The following ETV7 variants were observed in gnomAD, a reference collection of about 807,000 sequenced individuals.
ETV7 encodes ETS variant transcription factor 7.
ETV7 carries 43 observed loss-of-function variants against 39.1 expected under a neutral mutation model. That is an observed-to-expected ratio of 1.10 (90% CI 0.86 to 1.42). The LOEUF (loss-of-function observed/expected upper bound fraction) is 1.42, where lower values mean the gene tolerates loss of function less well. ETV7 is among the 40% of genes most tolerant of loss of function. ETV7 has a pLI of 0.00. For missense variants in ETV7, 432 were observed against 442.3 expected (o/e 0.98, Z 0.21); for synonymous variants, 196 against 176.6 (o/e 1.11, Z -0.87).
At chr6:36,364,677 C>T (rs2127384663), downstream of ETV7, among the ~76,000 whole-genome samples, 1 of 152,354 alleles carries the variant, frequency 6.6e-6, no homozygotes, top group Non-Finnish European at 1.5e-5. Context: ...AAAGGGGCTC[C>T]CACAGTGCAG....
At chr6:36,365,678 C>T (rs189492980), downstream of ETV7, among the ~76,000 whole-genome samples, 5 of 152,154 alleles carry the variant, frequency 3.3e-5, no homozygotes, top group Admixed American at 2.0e-4. Context: ...GAGGTGGGGC[C>T]GGGGCCTGGC....
downstream of ETV7, among the ~76,000 whole-genome samples, chr6:36,362,647 G>A (rs1044339613): frequency 2.0e-5 from 3 of 152,196 alleles, no homozygotes; most frequent in Admixed American, 2.0e-4. Flanking sequence ...CAGGCACCCA[G>A]GGGTCCATCC....
chr6:36,376,841 G>C (rs1042336320), intron 2 of ETV7, among the ~76,000 whole-genome samples: 5 of 151,634 alleles, frequency 3.3e-5, no homozygotes, highest in South Asian at 2.1e-4. Context: ...GAGGCTCCCA[G>C]AGGTTAAGTG....
intron 6 of ETV7, among the ~76,000 whole-genome samples, chr6:36,368,133 G>A (rs1015222653): frequency 5.3e-5 from 8 of 152,148 alleles, no homozygotes; most frequent in Non-Finnish European, 7.4e-5. Flanking sequence ...AGCAGGGGAT[G>A]GGTAAACTTG....
At chr6:36,363,616 G>C (rs557539529), downstream of ETV7, among the ~76,000 whole-genome samples, 2 of 152,226 alleles carry the variant, frequency 1.3e-5, no homozygotes, top group African/African-American at 4.8e-5. Flanking sequence ...GGACCAGAAC[G>C]GGTTGCCACT....
chr6:36,358,695 C>T (rs1772401013), intron 7 of ETV7, among the ~76,000 whole-genome samples: 1 of 152,222 alleles, frequency 6.6e-6, no homozygotes, highest in African/African-American at 2.4e-5. Context: ...ACGCCACGTT[C>T]AGCCACCCAC....
At chr6:36,368,821 G>T in intron 6 of ETV7, 108 bp downstream of exon 6, 1 of 1,437,126 alleles carries the variant, frequency 7.0e-7, no homozygotes, top group Non-Finnish European at 9.5e-7. Context: ...GGCTGCTGAT[G>T]AAGGCCCCAT....
chr6:36,364,095 G>A (rs1243727578), downstream of ETV7, among the ~76,000 whole-genome samples: 1 of 152,238 alleles, frequency 6.6e-6, no homozygotes. Flanking sequence ...GCCGATTGGT[G>A]TATTTACAAT....
At chr6:36,375,530 G>A (rs1415001215) in intron 3 of ETV7, among the ~76,000 whole-genome samples, 1 of 152,186 alleles carries the variant, frequency 6.6e-6, no homozygotes, top group Non-Finnish European at 1.5e-5. Context: ...TCTTTCTCTA[G>A]TTGGTTTTTT....
chr6:36,383,440 G>A (rs933334577), intron 2 of ETV7, among the ~76,000 whole-genome samples: 6 of 152,192 alleles, frequency 3.9e-5, no homozygotes, highest in African/African-American at 9.6e-5. Context: ...AATAACTTCC[G>A]TGCTCCTCTT....
chr6:36,370,283 C>T (rs1031540719), intron 5 of ETV7, among the ~76,000 whole-genome samples: 18 of 152,072 alleles, frequency 1.2e-4, no homozygotes, highest in African/African-American at 4.3e-4. Flanking sequence ...GCCTGTAATC[C>T]CAGCACCAAA....
At chr6:36,375,688 G>A (rs768396519) in intron 3 of ETV7, 183 bp downstream of exon 3, 4 of 898,876 alleles carry the variant, frequency 4.4e-6, no homozygotes, top group Non-Finnish European at 5.1e-6. Context: ...CTTGCTGAAG[G>A]CCTGCTCTAG....
chr6:36,359,411 A>G (rs1772418612), intron 7 of ETV7, among the ~76,000 whole-genome samples: 1 of 151,644 alleles, frequency 6.6e-6, no homozygotes, highest in Non-Finnish European at 1.5e-5. Context: ...AGATTGCACC[A>G]TTGCTCTCCA....
intron 3 of ETV7, among the ~76,000 whole-genome samples, chr6:36,375,534 G>GT (rs1444806209): frequency 7.9e-5 from 12 of 152,180 alleles, no homozygotes; most frequent in Non-Finnish European, 1.5e-4. Flanking sequence ...TCTCTAGTTG[G>GT]TTTTTTGTTC....
At position 36,373,464 on chromosome 6, in the gene ETV7, A is replaced by G. The variant is rs748522885; in HGVS notation, c.422T>C (p.Val141Ala). ...RLKTPTQHSP[V>A]PPEEVTGPSQ... is the part of the protein sequence containing the mutation. Reference sequence around the variant, plus strand: ...GAGAGCTTCCTCACCTTCCGGGGGGACTGGAGAGTGCTGGGTGGGCGTCTT... The same window carrying G: ...GAGAGCTTCCTCACCTTCCGGGGGGGCTGGAGAGTGCTGGGTGGGCGTCTT... Residue 141 changes from valine to alanine, a missense_variant, in exon 4 of 8, where the codon GTC (valine) becomes GCC (alanine). Transcript: ENST00000340181. 6.4e-7 allele frequency: 1 copy of G among 1,566,400 alleles called. No individual in the cohort carries two copies. Among genetic ancestry groups the G allele is most frequent in the African/African-American group, 1.4e-5 (1 of 71,876 alleles).
At chr6:36,364,601 C>T (rs1772651981), downstream of ETV7, among the ~76,000 whole-genome samples, 1 of 152,234 alleles carries the variant, frequency 6.6e-6, no homozygotes, top group Admixed American at 6.5e-5. Flanking sequence ...CCAGTTCCCG[C>T]TCGTGCCTCT....
chr6:36,371,149 G>A (rs143434005), intron 5 of ETV7, among the ~76,000 whole-genome samples, 181 bp downstream of exon 5: 1,671 of 152,298 alleles, frequency 0.011, 22 homozygotes, highest in South Asian at 0.033. Context: ...GGTGATCCCA[G>A]GTATCACTGC....
chr6:36,380,460 G>A (rs1212541263), intron 2 of ETV7, among the ~76,000 whole-genome samples: 1 of 152,194 alleles, frequency 6.6e-6, no homozygotes, highest in African/African-American at 2.4e-5. Flanking sequence ...AGCTCCCAAG[G>A]CAGATATGGA....
Position 36,368,939 on chromosome 6 carries a change from C to A in ETV7, c.797G>T (p.Gly266Val). ...VDPNGLARLW[G>V]NHKNRVNMTY... is the part of the protein sequence containing the mutation. ...CTGGCCGAGGCTCACCTTGTGATTT[C>A]CCCAGAGTCTGGCGAGCCCATTTGG... Residue 266 changes from glycine (G) to valine (V), a missense_variant, in exon 6 of 8, where the codon GGA becomes GTA. By Grantham distance (109) the Gly-to-Val change is moderately radical. Coordinates refer to ENST00000340181, the MANE Select transcript of ETV7 (RefSeq NM_016135.4). 1.2e-6 allele frequency: 2 copies of A among 1,614,102 alleles called. No homozygotes were observed. Among genetic ancestry groups the A allele is most frequent in the Non-Finnish European group, 1.7e-6 (2 of 1,180,010 alleles).
Sources: allele counts gnomAD v4.1 joint callset (sites outside exome capture counted in the v4.1 genomes callset), GRCh38; gene constraint gnomAD v4.1.1; transcripts MANE v1.5; gene names NCBI Gene and HGNC (gene_info 2026-07-23, HGNC 2026-07-21).